Variants in ACOXL observed in about 807,000 individuals in gnomAD.
ACOXL encodes the protein acyl-CoA oxidase like.
In ACOXL, 70 loss-of-function variants were observed where a neutral mutation model predicts 71.9. That is an observed-to-expected ratio of 0.97 (90% CI 0.80 to 1.19). The LOEUF is 1.19. Ranked by LOEUF, ACOXL falls within the 50% of genes most tolerant of loss-of-function variation. The pLI, the probability that ACOXL is intolerant of heterozygous loss-of-function variation, is 0.00. For missense variants in ACOXL, 703 were observed against 736.3 expected (o/e 0.95, Z 0.52); for synonymous variants, 253 against 281.6 (o/e 0.90, Z 1.02).
intron 9 of ACOXL, among the ~76,000 whole-genome samples, chr2:110,839,848 G>A (rs1468704352): frequency 2.6e-5 from 4 of 152,112 alleles, no homozygotes; most frequent in Non-Finnish European, 5.9e-5. Context: ...CACCATGAAT[G>A]TTACTTCCCC....
intron 11 of ACOXL, among the ~76,000 whole-genome samples, chr2:110,924,708 C>T (rs2060207291): frequency 6.6e-6 from 1 of 151,984 alleles, no homozygotes; most frequent in African/African-American, 2.4e-5. Context: ...AAGTCTTGAA[C>T]CCCTCAAAGT....
chr2:110,790,740 A>G (rs1279804005), intron 3 of ACOXL, among the ~76,000 whole-genome samples: 1 of 152,052 alleles, frequency 6.6e-6, no homozygotes, highest in Non-Finnish European at 1.5e-5. Context: ...ACTCTGCGAC[A>G]TTCCCACGTG....
At chr2:110,925,985 G>A (rs781471183) in intron 11 of ACOXL, among the ~76,000 whole-genome samples, 9 of 151,978 alleles carry the variant, frequency 5.9e-5, no homozygotes, top group South Asian at 2.1e-4. Flanking sequence ...TGTGTCTCAG[G>A]GAATAGAGAG....
Position 110,987,089 on chromosome 2 carries a change from C to G in ACOXL, c.1060-19C>G. The G allele has an allele frequency of 6.5e-7, 1 of 1,549,584 alleles. No homozygotes were observed. ...TTTTTACACTGCTGAGACTGATGAG[C>G]GATAAACTCTTTGCACAGGTTGTGG... On this transcript the variant is annotated intron_variant, in intron 12 of 17. Transcript: ENST00000439055.
At chr2:110,822,914 A>G (rs371845983) in intron 9 of ACOXL, among the ~76,000 whole-genome samples, 4 of 152,308 alleles carry the variant, frequency 2.6e-5, no homozygotes, top group African/African-American at 9.6e-5. Flanking sequence ...ATCATACAGC[A>G]GGTAGCCTTT....
chr2:110,842,002 AAT>A (rs1278224102), intron 10 of ACOXL, among the ~76,000 whole-genome samples: 1 of 152,208 alleles, frequency 6.6e-6, no homozygotes, highest in Non-Finnish European at 1.5e-5. Context: ...GTGGAGGGGT[AAT>A]AAGCAGTCCT....
At chr2:111,069,632 G>C (rs1010603260) in intron 16 of ACOXL, among the ~76,000 whole-genome samples, 1 of 152,168 alleles carries the variant, frequency 6.6e-6, no homozygotes, top group African/African-American at 2.4e-5. Context: ...AACCTTCGAA[G>C]TAAAGACTCT....
chr2:111,015,524 A>C (rs939985252), intron 14 of ACOXL, among the ~76,000 whole-genome samples: 1 of 152,232 alleles, frequency 6.6e-6, no homozygotes, highest in Non-Finnish European at 1.5e-5. Flanking sequence ...TCTGAAATCT[A>C]AAATGGTAAT....
At chr2:111,103,668 T>C (rs1020854196) in intron 17 of ACOXL, among the ~76,000 whole-genome samples, 32 of 152,328 alleles carry the variant, frequency 2.1e-4, no homozygotes, top group African/African-American at 7.5e-4. Flanking sequence ...ATACCTATTA[T>C]GCTTCACCTA....
At chr2:111,021,859 T>C (rs1039164843) in intron 14 of ACOXL, among the ~76,000 whole-genome samples, 1 of 150,552 alleles carries the variant, frequency 6.6e-6, no homozygotes, top group Non-Finnish European at 1.5e-5. Context: ...TTCTGGGGAA[T>C]GTAAAAAAGA....
At chr2:111,083,424 G>C (rs1422282948) in intron 16 of ACOXL, among the ~76,000 whole-genome samples, 1 of 152,130 alleles carries the variant, frequency 6.6e-6, no homozygotes, top group African/African-American at 2.4e-5. Flanking sequence ...GTAAAGTCCA[G>C]GAGAGATCAG....
chr2:110,911,541 C>A (rs2059649766), intron 11 of ACOXL, among the ~76,000 whole-genome samples: 3 of 151,780 alleles, frequency 2.0e-5, no homozygotes, highest in Admixed American at 2.0e-4. Context: ...AGATTTATCC[C>A]AGGAATGCAA....
At chr2:110,915,887 A>T (rs2059842235) in intron 11 of ACOXL, among the ~76,000 whole-genome samples, 1 of 152,152 alleles carries the variant, frequency 6.6e-6, no homozygotes, top group Admixed American at 6.5e-5. Flanking sequence ...TAAAAAAAAT[A>T]GGAAAGTGAT....
At chr2:110,950,836 G>GAGAGAGAGAGA (rs2061306410) in intron 12 of ACOXL, among the ~76,000 whole-genome samples, 1 of 95,708 alleles carries the variant, frequency 1.0e-5, no homozygotes, top group East Asian at 3.2e-4. Context: ...AGAGAGAGAG[G>GAGAGAGAGAGA]GAAGTTCTGG....
chr2:110,774,613 A>G (rs1682405139), intron 2 of ACOXL, among the ~76,000 whole-genome samples: 1 of 152,260 alleles, frequency 6.6e-6, no homozygotes, highest in Non-Finnish European at 1.5e-5. Flanking sequence ...AATAGACTTA[A>G]CCAAGGAGGT....
intron 16 of ACOXL, among the ~76,000 whole-genome samples, chr2:111,058,088 G>T (rs748687824): frequency 3.9e-5 from 6 of 152,236 alleles, no homozygotes; most frequent in Non-Finnish European, 5.9e-5. Context: ...GACAGCAGGA[G>T]AGGAAATCAC....
chr2:110,871,434 A>G (rs1695262953), intron 10 of ACOXL, among the ~76,000 whole-genome samples: 1 of 151,842 alleles, frequency 6.6e-6, no homozygotes, highest in South Asian at 2.1e-4. Flanking sequence ...AGAAACAAAT[A>G]CCCTGAAGCT....
intron 14 of ACOXL, among the ~76,000 whole-genome samples, chr2:111,005,185 C>T (rs2063814881): frequency 6.6e-6 from 1 of 152,210 alleles, no homozygotes; most frequent in Admixed American, 6.5e-5. Context: ...TCCCCCACTT[C>T]AGGGTGTATA....
chr2:110,870,340 CTTT>C (rs138530387), intron 10 of ACOXL, among the ~76,000 whole-genome samples: 3 of 146,156 alleles, frequency 2.1e-5, no homozygotes, highest in African/African-American at 5.0e-5. Context: ...AAGCCCTAGA[CTTT>C]TTTTTTTTTT....
Sources: allele counts gnomAD v4.1 joint callset (sites outside exome capture counted in the v4.1 genomes callset), GRCh38; gene constraint gnomAD v4.1.1; transcripts MANE v1.5; gene names NCBI Gene and HGNC (gene_info 2026-07-23, HGNC 2026-07-21).